CROCC: variants seen among roughly 807,000 people sequenced by gnomAD.
CROCC encodes rootletin.
A neutral mutation model predicts 245.2 loss-of-function variants in CROCC; 180 were observed. That is an observed-to-expected ratio of 0.73 (90% CI 0.65 to 0.83). The LOEUF (loss-of-function observed/expected upper bound fraction) is 0.83. Ranked by LOEUF, CROCC falls within the 40% of genes least tolerant of loss-of-function variation. The pLI, the probability that CROCC is intolerant of heterozygous loss-of-function variation, is 0.00. For missense variants in CROCC, 2,688 were observed against 2,779.4 expected (o/e 0.97, Z 0.74); for synonymous variants, 1,205 against 1,241.6 (o/e 0.97, Z 0.62).
chr1:16,962,534 C>CA lies in CROCC; in HGVS notation c.4405+1431dup, dbSNP rs1197806001. ...TGGGCGACAGAGCTAGACTCCGTCTCAAAAAAAAAAAAAAAAAAAAAAAAA... is the reference window on the plus strand; with the variant it reads ...TGGGCGACAGAGCTAGACTCCGTCTCAAAAAAAAAAAAAAAAAAAAAAAAAA... On this transcript the variant is annotated intron_variant, in intron 27 of 36. Transcript: ENST00000375541. Among the ~76,000 whole-genome samples, 67 of 21,874 alleles carry CA rather than the reference C, an allele frequency of 3.1e-3. 2 individuals carry two copies. Among genetic ancestry groups the CA allele is most frequent in the African/African-American group, 7.2e-3 (33 of 4,576 alleles). The allele number at this position is 21,874 out of a possible 152,430, so 14.4% of individuals were successfully genotyped here.
chr1:16,930,009 T>C lies in CROCC; in HGVS notation c.515T>C (p.Leu172Pro), dbSNP rs1417243126. ...YQEGQQRQAQ[L>P]VQRLQGKILQ... ...GAGGGCCAGCAGCGGCAGGCCCAGCTTGTGCAGCGGCTGCAGGGCAAGGTC... is the reference window on the plus strand; with the variant it reads ...GAGGGCCAGCAGCGGCAGGCCCAGCCTGTGCAGCGGCTGCAGGGCAAGGTC... Residue 172 changes from leucine (L) to proline (P), a missense_variant, in exon 4 of 37, where the codon CTT (leucine) becomes CCT (proline). Physicochemically the swap from Leu to Pro is moderately conservative, Grantham distance 98. Coordinates refer to ENST00000375541, the MANE Select transcript of CROCC (RefSeq NM_014675.5). 1 of 1,580,358 alleles carries C rather than the reference T, an allele frequency of 6.3e-7. No homozygotes were observed. Among genetic ancestry groups the C allele is most frequent in the Non-Finnish European group, 8.6e-7 (1 of 1,167,170 alleles).
At chr1:16,940,539 A>C (rs2075907054) in intron 13 of CROCC, among the ~76,000 whole-genome samples, 1 of 152,158 alleles carries the variant, frequency 6.6e-6, no homozygotes, top group Non-Finnish European at 1.5e-5. Flanking sequence ...GGTGCCCACC[A>C]CCACGCCCGG....
intron 27 of CROCC, among the ~76,000 whole-genome samples, chr1:16,963,400 G>A (rs1468090855): frequency 6.6e-6 from 1 of 151,962 alleles, no homozygotes; most frequent in Non-Finnish European, 1.5e-5. Flanking sequence ...TCAAGCAGGG[G>A]GGTGAGATTT....
chr1:16,946,695 G>C, intron 16 of CROCC, 66 bp from the exon 17 acceptor site: 1 of 1,476,534 alleles, frequency 6.8e-7, no homozygotes, highest in Non-Finnish European at 9.2e-7. Context: ...TGGGTGGGTG[G>C]AGGAGGCGTC....
At position 16,972,565 on chromosome 1, in the gene CROCC, G is replaced by A. The variant is rs758194438; in HGVS notation, c.*119G>A. 147 of 649,688 alleles carry A rather than the reference G, an allele frequency of 2.3e-4. No individual in the cohort carries two copies. In the Middle Eastern group the frequency reaches 3.8e-3, roughly 17 times the overall value. 40.2% of individuals were successfully genotyped at this position (649,688 alleles called of 1,614,324 possible). A position where few individuals can be genotyped will look rare whatever the true frequency, so the allele number is the denominator to read the frequency against. ...GGGCCTCAAGCTGGGGTGGGATGAG[G>A]AGGCGCTCTGCTGGCAGTGCTGAGG... On this transcript the variant is annotated 3_prime_UTR_variant, in exon 37 of 37. Coordinates refer to ENST00000375541, the MANE Select transcript of CROCC (RefSeq NM_014675.5).
intron 25 of CROCC, among the ~76,000 whole-genome samples, chr1:16,957,994 A>AC (rs111401074): frequency 1.2e-3 from 131 of 110,566 alleles, no homozygotes; most frequent in South Asian, 1.4e-3. Flanking sequence ...GGTAGGCAGT[A>AC]CCCCTCCCTG....
chr1:16,942,866 G>A (rs2075961713), intron 13 of CROCC, among the ~76,000 whole-genome samples: 1 of 152,274 alleles, frequency 6.6e-6, no homozygotes, highest in Admixed American at 6.5e-5. Flanking sequence ...AGTATTTTGG[G>A]AGGCCAAGGC....
At position 16,916,010 on chromosome 1, in the gene CROCC, C is replaced by G. The variant is rs377627119; in HGVS notation, n.126-14276C>G. ...CCTGGCCAATACAGTGAAACCTCATCTCTACTAATACAAAAATTAGCTGGG... is the reference window on the plus strand; with the variant it reads ...CCTGGCCAATACAGTGAAACCTCATGTCTACTAATACAAAAATTAGCTGGG... On this transcript the variant is annotated intron_variant and non_coding_transcript_variant, in intron 1 of 8. Coordinates refer to the CROCC transcript ENST00000466256. 2.6e-5 allele frequency among the ~76,000 whole-genome samples: 4 copies of G among 152,266 alleles called. No individual in the cohort carries two copies. The South Asian group carries it at 8.3e-4, about 32-fold the overall frequency.
At position 16,969,291 on chromosome 1, in the gene CROCC, A is replaced by C; in HGVS notation, c.5252A>C (p.His1751Pro). 1.2e-6 allele frequency: 2 copies of C among 1,612,910 alleles called. No individual in the cohort carries two copies. The highest frequency in any genetic ancestry group is 1.7e-6 in the Non-Finnish European group (2 of 1,179,846). Residue 1751 changes from histidine (H) to proline (P), a missense_variant, in exon 32 of 37, where the codon CAT becomes CCT. His to Pro is a moderately conservative substitution (Grantham distance 77). This residue lies in a region of CROCC where 1,218 missense variants were observed against 1,286.3 expected (regional missense o/e 0.95). Coordinates refer to ENST00000375541, the MANE Select transcript of CROCC (RefSeq NM_014675.5). ...AACAGCACCCGGGACAAGAACCTGCATCTGCAGAAGGCTCTGACCGCCTGT... is the reference window on the plus strand; with the variant it reads ...AACAGCACCCGGGACAAGAACCTGCCTCTGCAGAAGGCTCTGACCGCCTGT... ...SLNSTRDKNL[H>P]LQKALTACEH...
At chr1:16,928,774 G>C (rs1434301030) in intron 3 of CROCC, among the ~76,000 whole-genome samples, 2 of 151,784 alleles carry the variant, frequency 1.3e-5, no homozygotes, top group Non-Finnish European at 2.9e-5. Flanking sequence ...TTGCACTCCA[G>C]CCCAGGAGAC....
Position 16,949,042 on chromosome 1 carries a change from G to A in CROCC, c.2836+116G>A, listed in dbSNP as rs536690052. 2.9e-4 allele frequency: 404 copies of A among 1,390,190 alleles called. 2 individuals are homozygous for A. The highest frequency in any genetic ancestry group is 1.3e-3 in the Admixed American group (55 of 43,744). 86.1% of individuals were successfully genotyped at this position (1,390,190 alleles called of 1,614,324 possible). On this transcript the variant is annotated intron_variant, in intron 19 of 36. Transcript: ENST00000375541. ...CTGGAGTAGGAGTCTGGCTGGCCTG[G>A]GTTCCAGTCCTGTGCCACCACTTAG...
intron 32 of CROCC, 144 bp downstream of exon 32, chr1:16,969,484 G>A: frequency 1.1e-6 from 1 of 873,414 alleles, no homozygotes; most frequent in Non-Finnish European, 1.8e-6. Flanking sequence ...GGGAGGGCGT[G>A]GGCCCAGTAG....
chr1:16,922,377 G>A (rs539957277), intron 1 of CROCC, among the ~76,000 whole-genome samples: 39 of 152,376 alleles, frequency 2.6e-4, no homozygotes, highest in African/African-American at 7.9e-4. Flanking sequence ...ATCTAGGGTC[G>A]GAACCGGATT....
intron 19 of CROCC, 99 bp from the exon 20 acceptor site, chr1:16,950,854 C>G: frequency 9.4e-7 from 1 of 1,068,168 alleles, no homozygotes. Flanking sequence ...GGCCCTCTGC[C>G]TCTGGGATTT....
chr1:16,946,826 G>C lies in CROCC; in HGVS notation c.2349G>C (p.Ala783=), dbSNP rs780726691. 1.3e-6 allele frequency: 2 copies of C among 1,553,426 alleles called. No homozygotes were observed. The highest frequency in any genetic ancestry group is 1.2e-5 in the South Asian group (1 of 84,172). ...AGGCAGAGCAGGAGGCCACAGTGGC[G>C]CGGGAAGAGCAGGAACGGCTAGAGG... ...QRQAEQEATV[A]REEQERLEEL... is the part of the protein sequence containing the mutation. Residue 783 remains alanine (A), a synonymous_variant, in exon 17 of 37, where the codon GCG becomes GCC. Coordinates refer to ENST00000375541, the MANE Select transcript of CROCC (RefSeq NM_014675.5).
intron 8 of CROCC, among the ~76,000 whole-genome samples, chr1:16,934,706 A>G (rs2075749708): frequency 6.6e-6 from 1 of 152,280 alleles, no homozygotes; most frequent in Non-Finnish European, 1.5e-5. Flanking sequence ...TCAAAAGGGT[A>G]CACAGTAAAA....
upstream of CROCC, among the ~76,000 whole-genome samples, chr1:16,920,080 T>C (rs2075371283): frequency 7.7e-6 from 1 of 130,546 alleles, no homozygotes; most frequent in African/African-American, 2.7e-5. Context: ...ATTTATTTAT[T>C]TATTTATTTA....
intron 23 of CROCC, 144 bp from the exon 24 acceptor site, chr1:16,955,168 G>C (rs1156426196): frequency 6.1e-6 from 5 of 823,878 alleles, no homozygotes; most frequent in Non-Finnish European, 7.7e-6. Context: ...AGCACGCCTT[G>C]CTCAAATGAT....
chr1:16,972,276 T>C (rs2076534435), intron 36 of CROCC, 84 bp from the exon 37 acceptor site: 1 of 1,031,192 alleles, frequency 9.7e-7, no homozygotes. Flanking sequence ...TGTGGCACTG[T>C]GTCCCTCCGG....
Sources: gnomAD v4.1 joint callset for allele counts (sites outside exome capture counted in the v4.1 genomes callset) on GRCh38, gnomAD v4.1.1 for gene constraint, gnomAD v4.1.1 regional missense constraint, MANE v1.5 for transcripts, NCBI Gene and HGNC (gene_info 2026-07-23, HGNC 2026-07-21) for gene names.